The following RIN3 variants were observed in gnomAD, a reference collection of about 807,000 sequenced individuals.
RIN3 encodes RAB5 interacting protein 3.
Under a neutral mutation model 76.3 loss-of-function variants are expected in RIN3, and 54 were observed. The ratio of observed to expected loss-of-function variants is 0.71; its 90% CI spans 0.57 to 0.89. RIN3 has a LOEUF of 0.89. Among genes scored for constraint, RIN3 ranks in the 40% least tolerant of loss-of-function variants. The pLI is 0.00. For missense variants in RIN3, 1,256 were observed against 1,322.1 expected (o/e 0.95, Z 0.78); for synonymous variants, 576 against 564.0 (o/e 1.02, Z -0.30).
chr14:92,638,445 G>A (rs867341554), intron 4 of RIN3, among the ~76,000 whole-genome samples: 1 of 152,190 alleles, frequency 6.6e-6, no homozygotes. Context: ...TTCGAGTCTG[G>A]GGTGTGACTG....
At chr14:92,561,340 C>A (rs1235145780) in intron 2 of RIN3, among the ~76,000 whole-genome samples, 1 of 134,008 alleles carries the variant, frequency 7.5e-6, no homozygotes, top group Non-Finnish European at 1.6e-5. Context: ...ATGACCTTGA[C>A]CACATCTCAC....
intron 4 of RIN3, among the ~76,000 whole-genome samples, chr14:92,639,383 G>A (rs906005899): frequency 6.6e-6 from 1 of 152,252 alleles, no homozygotes; most frequent in African/African-American, 2.4e-5. Context: ...GAAGAAAATA[G>A]TGGTGGCTGC....
chr14:92,631,617 T>A (rs4900137), intron 4 of RIN3, among the ~76,000 whole-genome samples: 5 of 151,512 alleles, frequency 3.3e-5, no homozygotes, highest in South Asian at 2.1e-4. Flanking sequence ...GCGGCGGGAG[T>A]GGGGGTTGGA....
intron 2 of RIN3, among the ~76,000 whole-genome samples, chr14:92,564,702 G>A (rs990859301): frequency 1.3e-5 from 2 of 152,120 alleles, no homozygotes; most frequent in Non-Finnish European, 2.9e-5. Context: ...AAAGAAAATC[G>A]AACTCTCACA....
chr14:92,587,334 C>T (rs967620213), intron 3 of RIN3, among the ~76,000 whole-genome samples: 5 of 152,156 alleles, frequency 3.3e-5, no homozygotes, highest in Admixed American at 2.0e-4. Flanking sequence ...AAGGGGCAGG[C>T]CCTGGGGCAG....
chr14:92,575,279 G>T (rs989278433), intron 2 of RIN3, among the ~76,000 whole-genome samples: 1 of 152,142 alleles, frequency 6.6e-6, no homozygotes, highest in Non-Finnish European at 1.5e-5. Context: ...CTCCTCAGGA[G>T]CCTCCTGTGC....
At chr14:92,559,544 T>G (rs1370073394) in intron 2 of RIN3, among the ~76,000 whole-genome samples, 2 of 152,158 alleles carry the variant, frequency 1.3e-5, no homozygotes, top group Non-Finnish European at 2.9e-5. Context: ...GAGGGTCTGG[T>G]GGGGACTCCA....
chr14:92,540,846 C>A lies in RIN3; in HGVS notation c.45-14905C>A, dbSNP rs548678666. On this transcript the variant is annotated intron_variant, in intron 1 of 9. Transcript: ENST00000216487. ...TCACAGAATTGCAGAATTCATAATG[C>A]TGGAAGGAACCTTAGTCCTTGGTCC... is the stretch of plus-strand genomic sequence containing the variant. Among the ~76,000 whole-genome samples, 10 of 152,342 alleles carry A rather than the reference C, an allele frequency of 6.6e-5. No homozygotes were observed. In the South Asian group the frequency reaches 2.1e-3, roughly 32 times the overall value.
chr14:92,582,440 T>C (rs1356055684), intron 3 of RIN3, among the ~76,000 whole-genome samples: 2 of 113,146 alleles, frequency 1.8e-5, no homozygotes, highest in Admixed American at 1.0e-4. Flanking sequence ...TTTCCTTTTT[T>C]ACTTTTTTTT....
chr14:92,676,734 T>G, intron 8 of RIN3, 128 bp downstream of exon 8: 1 of 997,524 alleles, frequency 1.0e-6, no homozygotes, highest in Non-Finnish European at 1.5e-6. Flanking sequence ...GACCCATGGA[T>G]GCAAATGTGA....
At chr14:92,659,645 C>T (rs951396987) in intron 7 of RIN3, 176 bp downstream of exon 7, 2 of 549,458 alleles carry the variant, frequency 3.6e-6, no homozygotes, top group African/African-American at 1.9e-5. Context: ...CTTGGAGTTA[C>T]CTGGGGACTG....
At chr14:92,616,586 CT>C (rs551711243) in intron 4 of RIN3, among the ~76,000 whole-genome samples, 279 of 149,970 alleles carry the variant, frequency 1.9e-3, no homozygotes, top group Non-Finnish European at 3.0e-3. Context: ...GACCAATGAT[CT>C]TTTTTTTTCT....
intron 4 of RIN3, among the ~76,000 whole-genome samples, chr14:92,635,681 A>G (rs4904965): frequency 0.9 from 135,959 of 151,896 alleles, 61,066 homozygotes; most frequent in African/African-American, 0.94. Context: ...GAGAAAGCCC[A>G]TCTCTACTAA....
chr14:92,592,642 G>GTAT lies in RIN3; in HGVS notation c.367+15212_367+15214dup, dbSNP rs143659950. ...TTATACTGTATTGCTTTTAAATTTT[G>GTAT]TATTATTATTATTATTATTATTATT... On this transcript the variant is annotated intron_variant, in intron 3 of 9. Transcript: ENST00000216487. Among the ~76,000 whole-genome samples, 1,014 of 134,630 alleles carry GTAT rather than the reference G, an allele frequency of 7.5e-3. 6 individuals are homozygous for GTAT. The highest frequency in any genetic ancestry group is 0.01 in the South Asian group (41 of 3,954). The allele number at this position is 134,630 out of a possible 152,430, so 88.3% of individuals were successfully genotyped here.
At chr14:92,535,869 G>T (rs1404781095) in intron 1 of RIN3, among the ~76,000 whole-genome samples, 4 of 150,774 alleles carry the variant, frequency 2.7e-5, no homozygotes, top group African/African-American at 9.8e-5. Context: ...TTTTAGTAGA[G>T]ACTGGGTTTC....
Position 92,685,419 on chromosome 14 carries a change from C to G in RIN3, c.2631+269C>G. 2.2e-6 allele frequency: 1 copy of G among 455,188 alleles called. No homozygotes were observed. The highest frequency in any genetic ancestry group is 3.4e-5 in the Admixed American group (1 of 29,522). 28.2% of individuals were successfully genotyped at this position (455,188 alleles called of 1,614,324 possible). A position where few individuals can be genotyped will look rare whatever the true frequency, so the allele number is the denominator to read the frequency against. ...AAGGGTGCAGGAGGAATGAGACACACCCATCATTCCTTAGCCCCTCCTAGG... is the reference window on the plus strand; with the variant it reads ...AAGGGTGCAGGAGGAATGAGACACAGCCATCATTCCTTAGCCCCTCCTAGG... On this transcript the variant is annotated intron_variant, in intron 9 of 9. Transcript: ENST00000216487. The surrounding 1 kb of genome is among the most constrained non-coding windows in gnomAD (Gnocchi z 4.7).
chr14:92,513,952 C>A lies in RIN3; in HGVS notation c.20C>A (p.Ala7Glu). The A allele has an allele frequency of 1.6e-6, 2 of 1,245,722 alleles. No homozygotes were observed. Among genetic ancestry groups the A allele is most frequent in the Non-Finnish European group, 2.0e-6 (2 of 995,012 alleles). The allele number at this position is 1,245,722 out of a possible 1,614,324, so 77.2% of individuals were successfully genotyped here. MIRHAG[A>E]PARGDPTGPV... is the part of the protein sequence containing the mutation. ...GGCGGCATGATCCGACACGCCGGGGCGCCCGCGCGCGGGGACCCCACGGGG... is the reference window on the plus strand; with the variant it reads ...GGCGGCATGATCCGACACGCCGGGGAGCCCGCGCGCGGGGACCCCACGGGG... The change falls in exon 1 of 10, where the codon GCG becomes GAG. Residue 7 changes from alanine to glutamate, a missense_variant. Physicochemically the swap from Ala to Glu is moderately radical, Grantham distance 107 (BLOSUM62 -1). Transcript: ENST00000216487.
At chr14:92,619,321 A>G (rs1886083448) in intron 4 of RIN3, among the ~76,000 whole-genome samples, 1 of 152,160 alleles carries the variant, frequency 6.6e-6, no homozygotes, top group Non-Finnish European at 1.5e-5. Flanking sequence ...TATTTTGCCA[A>G]AATGACTCAG....
intron 3 of RIN3, among the ~76,000 whole-genome samples, chr14:92,606,021 C>A (rs1263266264): frequency 6.6e-6 from 1 of 151,648 alleles, no homozygotes; most frequent in African/African-American, 2.4e-5. Flanking sequence ...GATGAAAAGA[C>A]AAGGTCAGAT....
Sources: allele counts gnomAD v4.1 joint callset (sites outside exome capture counted in the v4.1 genomes callset), GRCh38; gene constraint gnomAD v4.1.1; non-coding constraint Gnocchi (gnomAD v3.1); transcripts MANE v1.5; gene names NCBI Gene and HGNC (gene_info 2026-07-23, HGNC 2026-07-21).